Variants in ADAMTS17 observed in about 807,000 individuals in gnomAD.
The protein encoded by ADAMTS17 is ADAM metallopeptidase with thrombospondin type 1 motif 17.
ADAMTS17 carries 113 observed loss-of-function variants against 141.5 expected under a neutral mutation model. That is an observed-to-expected ratio of 0.80 (90% confidence interval 0.69 to 0.93). ADAMTS17 has a LOEUF of 0.93. ADAMTS17 is among the 40% of genes least tolerant of loss of function. The probability of loss-of-function intolerance (pLI) is 0.00; values close to 1 mark genes in which losing one functional copy is unlikely to be tolerated. For missense variants in ADAMTS17, 1,659 were observed against 1,517.9 expected, an observed-to-expected ratio of 1.09 and a Z score of -1.54; for synonymous variants, 768 against 630.6, an observed-to-expected ratio of 1.22 and a Z score of -3.27.
chr15:100,075,888 C>T (rs2034337163), intron 15 of ADAMTS17, among the ~76,000 whole-genome samples: 1 of 152,178 alleles, frequency 6.6e-6, no homozygotes, highest in Non-Finnish European at 1.5e-5. Flanking sequence ...TCTCTGTCTG[C>T]TTCCACGTAG....
chr15:100,196,421 C>A (rs1372954245), intron 8 of ADAMTS17, among the ~76,000 whole-genome samples: 2 of 152,224 alleles, frequency 1.3e-5, no homozygotes, highest in Non-Finnish European at 2.9e-5. Flanking sequence ...GTACAGCTCA[C>A]ACAGAAGTGG....
intron 4 of ADAMTS17, among the ~76,000 whole-genome samples, chr15:100,266,531 G>A (rs917397073): frequency 2.0e-5 from 3 of 152,178 alleles, no homozygotes; most frequent in African/African-American, 7.2e-5. Context: ...CCGTGCAGCA[G>A]CTTCCCACTG....
At chr15:100,064,956 T>C (rs2033409797) in intron 15 of ADAMTS17, among the ~76,000 whole-genome samples, 1 of 152,218 alleles carries the variant, frequency 6.6e-6, no homozygotes, top group Non-Finnish European at 1.5e-5. Flanking sequence ...TTGTTCCCAA[T>C]GTGATCACCA....
intron 18 of ADAMTS17, among the ~76,000 whole-genome samples, chr15:100,037,236 G>A (rs980410679): frequency 9.2e-5 from 14 of 152,074 alleles, no homozygotes; most frequent in African/African-American, 1.9e-4. Flanking sequence ...CTGTCTTTTC[G>A]ATCACAGCCA....
At chr15:100,043,365 A>G (rs920336533) in intron 18 of ADAMTS17, among the ~76,000 whole-genome samples, 6 of 152,220 alleles carry the variant, frequency 3.9e-5, no homozygotes, top group Non-Finnish European at 8.8e-5. Flanking sequence ...AGTGGGAAAG[A>G]GAAGTGGTGG....
intron 12 of ADAMTS17, among the ~76,000 whole-genome samples, chr15:100,130,617 C>T (rs1239445392): frequency 6.6e-6 from 1 of 152,102 alleles, no homozygotes; most frequent in Non-Finnish European, 1.5e-5. Context: ...TGGGCCCCAC[C>T]CTTAGTGTTC....
intron 15 of ADAMTS17, among the ~76,000 whole-genome samples, chr15:100,096,094 C>T (rs572408784): frequency 2.6e-5 from 4 of 152,328 alleles, no homozygotes; most frequent in Admixed American, 1.3e-4. Context: ...TGGCCCAGGG[C>T]AGCTACCAGT....
intron 4 of ADAMTS17, among the ~76,000 whole-genome samples, chr15:100,270,610 C>T (rs1013444427): frequency 6.6e-6 from 1 of 151,442 alleles, no homozygotes; most frequent in Admixed American, 6.6e-5. Context: ...ACTGACTACA[C>T]AAATATTTCT....
Position 100,034,764 on chromosome 15 carries a change from C to T in ADAMTS17, c.2591+14093G>A, listed in dbSNP as rs770338980. ...TCTCCATCCTGCTCCCTCGTGTGCC[C>T]GACACCTACTTGTTCTCCTTATTCC... On this transcript the variant is annotated intron_variant, in intron 18 of 21. Coordinates refer to ENST00000268070, the MANE Select transcript of ADAMTS17 (RefSeq NM_139057.4). Among the ~76,000 whole-genome samples, 14 of 152,286 alleles carry T rather than the reference C, an allele frequency of 9.2e-5. No individual in the cohort carries two copies. The East Asian group carries it at 1.5e-3, about 17-fold the overall frequency.
chr15:99,984,201 A>AC (rs2060537014), intron 20 of ADAMTS17, among the ~76,000 whole-genome samples: 1 of 151,970 alleles, frequency 6.6e-6, no homozygotes, highest in African/African-American at 2.4e-5. Flanking sequence ...GGCTGAGGTG[A>AC]CCCCCGATGG....
chr15:100,211,855 C>T (rs1049829703), intron 7 of ADAMTS17, among the ~76,000 whole-genome samples: 1 of 152,158 alleles, frequency 6.6e-6, no homozygotes, highest in Non-Finnish European at 1.5e-5. Flanking sequence ...GCAAGGTTAT[C>T]ACAATTAAAG....
intron 4 of ADAMTS17, among the ~76,000 whole-genome samples, chr15:100,273,695 T>C (rs1019348002): frequency 6.5e-4 from 99 of 152,306 alleles, no homozygotes; most frequent in African/African-American, 2.3e-3. Flanking sequence ...CTTTAATCCA[T>C]AGCAATCCAA....
intron 8 of ADAMTS17, among the ~76,000 whole-genome samples, chr15:100,157,913 G>A (rs2039510768): frequency 7.2e-6 from 1 of 139,224 alleles, no homozygotes; most frequent in African/African-American, 2.6e-5. Flanking sequence ...TCCTGAGATG[G>A]AGTCTTGCTC....
Position 100,116,968 on chromosome 15 carries a change from A to G in ADAMTS17, c.1767T>C (p.His589=), listed in dbSNP as rs148939974. 1.9e-3 allele frequency: 3,142 copies of G among 1,613,784 alleles called. 11 individuals are homozygous for G. The highest frequency in any genetic ancestry group is 2.3e-3 in the Middle Eastern group (14 of 6,028). ...GTHCPGASVE[H]AVCENLPCPK... is the part of the protein sequence containing the mutation. ...GGCAGGGCAGGTTCTCGCAGACCGC[A>G]TGTTCTACACTGGCACCCGGGCAGT... Residue 589 remains histidine (H), a synonymous_variant, in exon 13 of 22, where the codon CAT becomes CAC. Transcript: ENST00000268070.
At chr15:100,133,381 C>T in intron 10 of ADAMTS17, 66 bp from the exon 11 acceptor site, 1 of 1,491,302 alleles carries the variant, frequency 6.7e-7, no homozygotes, top group Non-Finnish European at 9.1e-7. Flanking sequence ...CAGCTGGGGT[C>T]AGAGGTGTGG....
chr15:100,132,080 C>A lies in ADAMTS17; in HGVS notation c.1648G>T (p.Gly550Cys), dbSNP rs763378862. ...GTTCGGCTGCACATGCTCCAGGCGC[C>A]CCACGGGCTCCAGTCTCCGTCCACA... is the stretch of plus-strand genomic sequence containing the variant. ...EHVDGDWSPWGAWSMCSRTCG... is the reference protein window; with the variant it reads ...EHVDGDWSPWCAWSMCSRTCG... Residue 550 changes from glycine to cysteine, a missense_variant, in exon 12 of 22, where the codon GGC becomes TGC. Physicochemically the swap from Gly to Cys is radical, Grantham distance 159. Coordinates refer to ENST00000268070, the MANE Select transcript of ADAMTS17 (RefSeq NM_139057.4). 4.3e-6 allele frequency: 7 copies of A among 1,614,052 alleles called. No individual in the cohort carries two copies. In the Admixed American group the frequency reaches 5.0e-5, roughly 12 times the overall value.
At chr15:100,261,962 T>G (rs561093582) in intron 5 of ADAMTS17, among the ~76,000 whole-genome samples, 1 of 152,294 alleles carries the variant, frequency 6.6e-6, no homozygotes, top group South Asian at 2.1e-4. Context: ...AACATCAGCA[T>G]GTGGGAAGGC....
At chr15:100,102,793 G>A (rs913845057) in intron 14 of ADAMTS17, among the ~76,000 whole-genome samples, 3 of 152,170 alleles carry the variant, frequency 2.0e-5, no homozygotes, top group African/African-American at 7.2e-5. Flanking sequence ...ACCCTGGAAA[G>A]CAGCTCCCTA....
intron 15 of ADAMTS17, among the ~76,000 whole-genome samples, chr15:100,058,804 T>C (rs907186409): frequency 1.3e-5 from 2 of 152,136 alleles, no homozygotes; most frequent in African/African-American, 2.4e-5. Flanking sequence ...AGAGGGCTAC[T>C]GGAGGCCACG....
Sources: gnomAD v4.1 joint callset for allele counts (sites outside exome capture counted in the v4.1 genomes callset) on GRCh38, gnomAD v4.1.1 for gene constraint, MANE v1.5 for transcripts, NCBI Gene and HGNC (gene_info 2026-07-23, HGNC 2026-07-21) for gene names.